Variants in CDH12 observed in about 807,000 individuals in gnomAD.
CDH12 encodes cadherin-12.
A neutral mutation model predicts 74.1 loss-of-function variants in CDH12; 41 were observed. The ratio of observed to expected loss-of-function variants is 0.55; its 90% CI spans 0.43 to 0.72. The LOEUF (loss-of-function observed/expected upper bound fraction) is 0.72. CDH12 is among the 30% of genes least tolerant of loss of function. The probability of loss-of-function intolerance (pLI) is 0.00; values close to 1 mark genes in which losing one functional copy is unlikely to be tolerated. For missense variants in CDH12, 945 were observed against 977.2 expected (o/e 0.97, Z 0.44); for synonymous variants, 399 against 355.0 (o/e 1.12, Z -1.39).
chr5:22,061,778 G>A (rs1450855146), intron 5 of CDH12, among the ~76,000 whole-genome samples: 1 of 152,056 alleles, frequency 6.6e-6, no homozygotes, highest in African/African-American at 2.4e-5. Flanking sequence ...TGTACTGTGT[G>A]GTTGGTGAAA....
intron 1 of CDH12, among the ~76,000 whole-genome samples, chr5:22,724,342 T>G (rs969846515): frequency 6.6e-6 from 1 of 151,920 alleles, no homozygotes; most frequent in African/African-American, 2.4e-5. Context: ...ACCTGAGCAG[T>G]GTACACTGTA....
At chr5:22,658,346 A>T (rs1392174581) in intron 1 of CDH12, among the ~76,000 whole-genome samples, 4 of 152,130 alleles carry the variant, frequency 2.6e-5, no homozygotes, top group African/African-American at 9.7e-5. Flanking sequence ...GATAAAGCAA[A>T]CATAACTTAT....
rs187492867 is a variant in CDH12 at position 22,628,528 on chromosome 5, T to C, written c.-522-123164A>G. ...ATAAACAATGAAATTAAGCCAGTAA[T>C]GAATAAGTTCTTTGAAACTAATGAC... On this transcript the variant is annotated intron_variant, in intron 1 of 14. Coordinates refer to ENST00000382254, the MANE Select transcript of CDH12 (RefSeq NM_004061.5). Among the ~76,000 whole-genome samples, 11 of 152,274 alleles carry C rather than the reference T, an allele frequency of 7.2e-5. No homozygotes were observed. The East Asian group carries it at 1.7e-3, about 24-fold the overall frequency.
intron 3 of CDH12, among the ~76,000 whole-genome samples, chr5:22,250,686 G>A (rs139993311): frequency 3.7e-4 from 57 of 152,258 alleles, no homozygotes; most frequent in African/African-American, 1.3e-3. Context: ...CAATTGCTTT[G>A]GTTCTTCACT....
chr5:22,033,148 G>A (rs1187326902), intron 5 of CDH12, among the ~76,000 whole-genome samples: 1 of 151,810 alleles, frequency 6.6e-6, no homozygotes, highest in African/African-American at 2.4e-5. Flanking sequence ...TTTTAGCAAT[G>A]TATTTTGTTG....
chr5:22,662,881 A>G (rs1740422429), intron 1 of CDH12, among the ~76,000 whole-genome samples: 1 of 152,194 alleles, frequency 6.6e-6, no homozygotes, highest in African/African-American at 2.4e-5. Flanking sequence ...CCTCCCCAAC[A>G]GTGAAGGCTG....
intron 5 of CDH12, among the ~76,000 whole-genome samples, chr5:22,067,902 C>T (rs1353134886): frequency 5.9e-5 from 9 of 151,936 alleles, no homozygotes; most frequent in Admixed American, 4.6e-4. Flanking sequence ...CGCTTGAACC[C>T]GGGAGGCAGA....
intron 4 of CDH12, among the ~76,000 whole-genome samples, chr5:22,182,063 T>A (rs2150338430): frequency 6.6e-6 from 1 of 152,228 alleles, no homozygotes; most frequent in Non-Finnish European, 1.5e-5. Flanking sequence ...TTAAGCCCTA[T>A]AATTAGTTTT....
intron 6 of CDH12, among the ~76,000 whole-genome samples, chr5:21,948,675 A>C (rs1405720202): frequency 1.3e-5 from 2 of 152,066 alleles, no homozygotes; most frequent in African/African-American, 4.8e-5. Context: ...GTTGGGTTGG[A>C]AATGTAAAAA....
intron 4 of CDH12, among the ~76,000 whole-genome samples, chr5:22,178,119 G>T (rs1157738962): frequency 6.6e-6 from 1 of 152,056 alleles, no homozygotes; most frequent in Non-Finnish European, 1.5e-5. Context: ...AATAGTCAAG[G>T]CTACCTCTCA....
At chr5:22,354,739 G>T (rs1475090854) in intron 3 of CDH12, among the ~76,000 whole-genome samples, 1 of 152,134 alleles carries the variant, frequency 6.6e-6, no homozygotes, top group African/African-American at 2.4e-5. Context: ...GAGGTAAAAA[G>T]AAAGAGGTGA....
At chr5:22,021,741 T>G (rs1010193020) in intron 5 of CDH12, among the ~76,000 whole-genome samples, 1 of 152,224 alleles carries the variant, frequency 6.6e-6, no homozygotes, top group Non-Finnish European at 1.5e-5. Context: ...AAAAAATATG[T>G]ATAGATTGTG....
chr5:22,661,878 C>G (rs1017084538), intron 1 of CDH12, among the ~76,000 whole-genome samples: 1 of 151,968 alleles, frequency 6.6e-6, no homozygotes, highest in South Asian at 2.1e-4. Flanking sequence ...TAGTAAATTG[C>G]TTGAATGTAT....
chr5:22,218,085 T>C (rs112060130), intron 3 of CDH12, among the ~76,000 whole-genome samples: 4,380 of 151,798 alleles, frequency 0.029, 97 homozygotes, highest in South Asian at 0.095. Context: ...AAAAAAACTC[T>C]CATTACGTCA....
At chr5:22,126,511 T>TATC (rs1161474801) in intron 4 of CDH12, among the ~76,000 whole-genome samples, 1 of 152,194 alleles carries the variant, frequency 6.6e-6, no homozygotes, top group East Asian at 1.9e-4. Flanking sequence ...GTGTTGAAAT[T>TATC]ATCAGTTTAT....
Position 22,078,832 on chromosome 5 carries a change from T to G in CDH12, c.-156A>C. 3.5e-6 allele frequency: 5 copies of G among 1,426,382 alleles called. No individual in the cohort carries two copies. In the South Asian group the frequency reaches 6.2e-5, roughly 18 times the overall value. The allele number at this position is 1,426,382 out of a possible 1,614,324, so 88.4% of individuals were successfully genotyped here. A position where few individuals can be genotyped will look rare whatever the true frequency, so the allele number is the denominator to read the frequency against. ...GCATTAATCCTTTTGATGAAAAGGCTTCTGCTGTATTATATTCCATCTAAA... is the reference window on the plus strand; with the variant it reads ...GCATTAATCCTTTTGATGAAAAGGCGTCTGCTGTATTATATTCCATCTAAA... On this transcript the variant is annotated 5_prime_UTR_variant, in exon 5 of 15. Coordinates refer to ENST00000382254, the MANE Select transcript of CDH12 (RefSeq NM_004061.5).
intron 3 of CDH12, among the ~76,000 whole-genome samples, chr5:22,327,558 C>T (rs1739174900): frequency 6.6e-6 from 1 of 151,608 alleles, no homozygotes. Flanking sequence ...ATGCCTTCTG[C>T]ATATCTTAAG....
chr5:22,498,307 T>C (rs1273995963), intron 2 of CDH12, among the ~76,000 whole-genome samples: 3 of 152,038 alleles, frequency 2.0e-5, no homozygotes, highest in African/African-American at 7.2e-5. Flanking sequence ...TTTAATAACT[T>C]GTTTGTATTC....
rs140792824 is a variant in CDH12 at position 21,920,755 on chromosome 5, A to G, written c.526+54336T>C. ...AAACTATTCAGAGAAACAACGTAAC[A>G]TCTTAGGATGCTGTTGTCACAAAAT... is the stretch of plus-strand genomic sequence containing the variant. On this transcript the variant is annotated intron_variant, in intron 6 of 14. Transcript: ENST00000382254. 4.6e-3 allele frequency among the ~76,000 whole-genome samples: 695 copies of G among 152,006 alleles called. 8 individuals are homozygous for G. The highest frequency in any genetic ancestry group is 0.016 in the African/African-American group (670 of 41,526).
Sources: gnomAD v4.1 joint callset for allele counts (sites outside exome capture counted in the v4.1 genomes callset) on GRCh38, gnomAD v4.1.1 for gene constraint, MANE v1.5 for transcripts, NCBI Gene and HGNC (gene_info 2026-07-23, HGNC 2026-07-21) for gene names.